ATP2C2: variants seen among roughly 807,000 people sequenced by gnomAD.
The protein encoded by ATP2C2 is ATPase secretory pathway Ca2+ transporting 2, also known as calcium-transporting ATPase type 2C member 2.
Under a neutral mutation model 110.8 loss-of-function variants are expected in ATP2C2, and 171 were observed. The observed-to-expected ratio is 1.54, with a 90% CI of 1.36 to 1.75. ATP2C2 has a LOEUF of 1.75. Among genes scored for constraint, ATP2C2 ranks in the 40% most tolerant of loss-of-function variants. The pLI, the probability that ATP2C2 is intolerant of heterozygous loss-of-function variation, is 0.00. For synonymous variants in ATP2C2, 804 were observed against 508.4 expected (o/e 1.58, Z -7.82); for missense variants, 1,963 against 1,235.0 (o/e 1.59, Z -8.84).
chr16:84,374,546 C>A (rs926651537), intron 1 of ATP2C2, among the ~76,000 whole-genome samples: 1 of 152,170 alleles, frequency 6.6e-6, no homozygotes, highest in African/African-American at 2.4e-5. Flanking sequence ...TGCCCCCAAT[C>A]CAAATGTCAC....
At chr16:84,433,652 A>AAAAAC (rs984575570) in intron 11 of ATP2C2, among the ~76,000 whole-genome samples, 2 of 148,772 alleles carry the variant, frequency 1.3e-5, no homozygotes, top group African/African-American at 2.5e-5. Flanking sequence ...ACTCCGTCTC[A>AAAAAC]AAAACAAAAC....
intron 11 of ATP2C2, among the ~76,000 whole-genome samples, chr16:84,429,031 C>G (rs943863361): frequency 2.0e-5 from 3 of 152,148 alleles, no homozygotes; most frequent in Admixed American, 6.5e-5. Context: ...ATCTTAGGCT[C>G]TGGATAATGA....
chr16:84,414,477 C>T (rs1365123172), intron 6 of ATP2C2, among the ~76,000 whole-genome samples: 8 of 152,030 alleles, frequency 5.3e-5, no homozygotes, highest in African/African-American at 1.9e-4. Context: ...TGTGTGTGTG[C>T]GTGCACGCGC....
At chr16:84,431,871 G>C (rs1021125304) in intron 11 of ATP2C2, among the ~76,000 whole-genome samples, 6 of 152,150 alleles carry the variant, frequency 3.9e-5, no homozygotes, top group Admixed American at 3.9e-4. Flanking sequence ...TGGGAGGTGG[G>C]AGCCCCAGCT....
rs184028476 is a variant in ATP2C2 at position 84,429,208 on chromosome 16, A to G, written c.986+3407A>G. Among the ~76,000 whole-genome samples the G allele has an allele frequency of 7.5e-4, 114 of 152,166 alleles. 1 individual carries two copies. Among genetic ancestry groups the G allele is most frequent in the African/African-American group, 2.5e-3 (102 of 41,528 alleles). On this transcript the variant is annotated intron_variant, in intron 11 of 26. Coordinates refer to ENST00000262429, the MANE Select transcript of ATP2C2 (RefSeq NM_014861.4). ...CTCTTGTCGCCCAGGCTGGAGTGCA[A>G]TGGCACGATCTTGGCTCACTGCAAT...
chr16:84,448,750 G>A (rs1909993545), intron 17 of ATP2C2, 61 bp downstream of exon 17: 1 of 1,548,010 alleles, frequency 6.5e-7, no homozygotes, highest in Non-Finnish European at 8.7e-7. Context: ...ACTTTTAAGT[G>A]CATTCAAGCA....
chr16:84,404,544 G>T, intron 2 of ATP2C2: 1 of 187,000 alleles, frequency 5.3e-6, no homozygotes, highest in Non-Finnish European at 1.1e-5. Context: ...TCGTTCTCAG[G>T]CTAAATAGTA....
intron 1 of ATP2C2, among the ~76,000 whole-genome samples, chr16:84,381,431 G>A (rs934049850): frequency 6.6e-6 from 1 of 152,046 alleles, no homozygotes; most frequent in African/African-American, 2.4e-5. Context: ...ACAAAAATTA[G>A]CTGCTTGTGG....
At position 84,425,820 on chromosome 16, in the gene ATP2C2, C is replaced by T. The variant is rs367957868; in HGVS notation, c.986+19C>T. 5.1e-5 allele frequency: 83 copies of T among 1,613,512 alleles called. No individual in the cohort carries two copies. Among genetic ancestry groups the T allele is most frequent in the Middle Eastern group, 1.6e-4 (1 of 6,082 alleles). ...GGGTCAGGTAAGAGTGCTATGGCCG[C>T]CCCTTGCCTTGCCAGGGTGGTCAAT... is the stretch of plus-strand genomic sequence containing the variant. On this transcript the variant is annotated intron_variant, in intron 11 of 26. Transcript: ENST00000262429.
At chr16:84,463,079 C>G (rs1370967091) in intron 26 of ATP2C2, 1 of 156,412 alleles carries the variant, frequency 6.4e-6, no homozygotes, top group Non-Finnish European at 1.4e-5. Context: ...AGTCGGCTTC[C>G]CACGCCTGAA....
intron 2 of ATP2C2, 114 bp from the exon 3 acceptor site, chr16:84,405,014 C>G (rs751938338): frequency 7.9e-6 from 7 of 884,366 alleles, no homozygotes; most frequent in Admixed American, 1.7e-5. Flanking sequence ...GTGGACAAGC[C>G]TGTGTCCCTG....
At chr16:84,405,659 C>T (rs1037076021) in intron 3 of ATP2C2, among the ~76,000 whole-genome samples, 1 of 152,182 alleles carries the variant, frequency 6.6e-6, no homozygotes, top group Admixed American at 6.5e-5. Context: ...GTGGCTCGTG[C>T]CTGTAATCCA....
At chr16:84,459,235 C>T (rs762749895) in intron 22 of ATP2C2, 35 bp from the exon 23 acceptor site, 37 of 1,613,862 alleles carry the variant, frequency 2.3e-5, no homozygotes, top group South Asian at 1.8e-4. Context: ...CCACGCCTGG[C>T]GGGCGGCCGC....
At chr16:84,458,776 A>G (rs1910945322) in intron 21 of ATP2C2, among the ~76,000 whole-genome samples, 1 of 152,176 alleles carries the variant, frequency 6.6e-6, no homozygotes, top group African/African-American at 2.4e-5. Context: ...CCTCTTTGGT[A>G]AATCGCGGAG....
At chr16:84,416,007 C>T (rs766940724) in intron 7 of ATP2C2, among the ~76,000 whole-genome samples, 1 of 152,148 alleles carries the variant, frequency 6.6e-6, no homozygotes, top group Non-Finnish European at 1.5e-5. Flanking sequence ...GTGAAACTCT[C>T]TACTAAAAAT....
chr16:84,383,181 G>C (rs966930358), intron 1 of ATP2C2, among the ~76,000 whole-genome samples: 8 of 152,226 alleles, frequency 5.3e-5, no homozygotes, highest in African/African-American at 1.7e-4. Context: ...AGGTCCACTA[G>C]GAACCAGCCT....
chr16:84,383,087 C>G (rs1197977468), intron 1 of ATP2C2, among the ~76,000 whole-genome samples: 1 of 152,128 alleles, frequency 6.6e-6, no homozygotes, highest in Non-Finnish European at 1.5e-5. Flanking sequence ...TGGAGCAAAG[C>G]TAGTGGGTTC....
chr16:84,388,140 A>T (rs1276688932), intron 1 of ATP2C2, among the ~76,000 whole-genome samples: 2 of 152,002 alleles, frequency 1.3e-5, no homozygotes, highest in African/African-American at 4.8e-5. Flanking sequence ...AGCCTGGCCA[A>T]ATGGTGAAAT....
At position 84,412,341 on chromosome 16, in the gene ATP2C2, C is replaced by T. The variant is rs983376576; in HGVS notation, c.515+1576C>T. ...GTGTGTGTGCGTGTGTGTCTGTATG[C>T]GTGTGTCTGCGTGCGTGTGTGCATG... On this transcript the variant is annotated intron_variant, in intron 6 of 26. Transcript: ENST00000262429. 2.4e-4 allele frequency among the ~76,000 whole-genome samples: 26 copies of T among 109,104 alleles called. 1 individual carries two copies. Among genetic ancestry groups the T allele is most frequent in the African/African-American group, 3.3e-4 (10 of 29,896 alleles). 71.6% of individuals were successfully genotyped at this position (109,104 alleles called of 152,430 possible). A position where few individuals can be genotyped will look rare whatever the true frequency, so the allele number is the denominator to read the frequency against.
Sources: gnomAD v4.1 joint callset for allele counts (sites outside exome capture counted in the v4.1 genomes callset) on GRCh38, gnomAD v4.1.1 for gene constraint, MANE v1.5 for transcripts, NCBI Gene and HGNC (gene_info 2026-07-23, HGNC 2026-07-21) for gene names.